TRIP4: variants seen among roughly 807,000 people sequenced by gnomAD.
The protein encoded by TRIP4 is thyroid hormone receptor interactor 4, also known as activating signal cointegrator 1.
A neutral mutation model predicts 81.8 loss-of-function variants in TRIP4; 54 were observed. The observed-to-expected ratio is 0.66, with a 90% CI of 0.53 to 0.83. TRIP4 has a LOEUF of 0.83. Ranked by LOEUF, TRIP4 falls within the 40% of genes least tolerant of loss-of-function variation. The pLI, the probability that TRIP4 is intolerant of heterozygous loss-of-function variation, is 0.00. For missense variants in TRIP4, 662 were observed against 683.6 expected (o/e 0.97, Z 0.35); for synonymous variants, 270 against 242.8 (o/e 1.11, Z -1.04).
intron 7 of TRIP4, among the ~76,000 whole-genome samples, chr15:64,411,373 G>A (rs1891757068): frequency 6.6e-6 from 1 of 152,196 alleles, no homozygotes; most frequent in Non-Finnish European, 1.5e-5. Context: ...TCTGGTGAGG[G>A]ATGCTAATAA....
chr15:64,412,710 G>T (rs1891795785), intron 7 of TRIP4, among the ~76,000 whole-genome samples: 1 of 152,110 alleles, frequency 6.6e-6, no homozygotes, highest in Admixed American at 6.6e-5. Context: ...TCATTATGTT[G>T]TGCCTCACAA....
At chr15:64,423,867 G>A (rs745689185) in intron 9 of TRIP4, among the ~76,000 whole-genome samples, 164 bp from the exon 10 acceptor site, 5 of 152,160 alleles carry the variant, frequency 3.3e-5, no homozygotes, top group Admixed American at 6.5e-5. Flanking sequence ...GAAAAGTATT[G>A]TGAGAGAAAA....
intron 9 of TRIP4, among the ~76,000 whole-genome samples, chr15:64,421,916 A>G (rs368475850): frequency 1.1e-4 from 16 of 151,982 alleles, no homozygotes; most frequent in African/African-American, 3.9e-4. Context: ...ATGGTGGTGC[A>G]TGCCTATAAT....
chr15:64,402,491 G>A (rs1262116937), intron 5 of TRIP4, among the ~76,000 whole-genome samples: 2 of 149,638 alleles, frequency 1.3e-5, no homozygotes, highest in Admixed American at 6.7e-5. Context: ...AAAGTGCTGG[G>A]ATTAAGGTGT....
At chr15:64,406,486 C>T in intron 6 of TRIP4, 27 bp downstream of exon 6, 3 of 1,606,866 alleles carry the variant, frequency 1.9e-6, no homozygotes, top group Non-Finnish European at 2.5e-6. Context: ...ATAACAAATG[C>T]TAAGAAATAA....
intron 11 of TRIP4, among the ~76,000 whole-genome samples, chr15:64,428,443 A>G (rs879567747): frequency 2.6e-5 from 4 of 152,334 alleles, no homozygotes; most frequent in Middle Eastern, 3.4e-3. Context: ...GTAGAAGTGC[A>G]GGAATCCTCC....
At chr15:64,452,211 G>T (rs893035872) in intron 12 of TRIP4, among the ~76,000 whole-genome samples, 1 of 151,768 alleles carries the variant, frequency 6.6e-6, no homozygotes, top group Admixed American at 6.6e-5. Flanking sequence ...GGAACTTCTG[G>T]GCTCAAGCGA....
chr15:64,397,561 T>C (rs1305612484), intron 3 of TRIP4, 45 bp from the exon 4 acceptor site: 3 of 1,583,314 alleles, frequency 1.9e-6, no homozygotes, highest in Non-Finnish European at 2.6e-6. Context: ...ACTTTTTACA[T>C]TGTCATTAAT....
At chr15:64,450,218 T>C (rs926074411) in intron 12 of TRIP4, among the ~76,000 whole-genome samples, 1 of 151,384 alleles carries the variant, frequency 6.6e-6, no homozygotes, top group African/African-American at 2.4e-5. Flanking sequence ...TGAAACCCCG[T>C]CTCTACTAAA....
rs1891480736 is a variant in TRIP4, at chr15:64,400,818, T to C, written c.694T>C (p.Ser232Pro). ...KSQKLLKKLM[S>P]GVENSGKVDI... ...CCAGAAACTGCTAAAGAAACTCATG[T>C]CAGGTAGACAGCAGTCTTGTAATTG... The change falls in exon 5 of 13, where the codon TCA becomes CCA. Residue 232 changes from serine to proline, a missense_variant. Ser to Pro is a moderately conservative substitution (Grantham distance 74). Coordinates refer to ENST00000261884, the MANE Select transcript of TRIP4 (RefSeq NM_016213.5). 6.2e-7 allele frequency: 1 copy of C among 1,613,484 alleles called. No individual in the cohort carries two copies. The highest frequency in any genetic ancestry group is 1.3e-5 in the African/African-American group (1 of 74,940).
intron 5 of TRIP4, 29 bp downstream of exon 5, chr15:64,400,850 TG>T: frequency 6.5e-7 from 1 of 1,549,440 alleles, no homozygotes; most frequent in Non-Finnish European, 8.9e-7. Context: ...ATTGGATCAC[TG>T]GGATGATGGG....
intron 12 of TRIP4, among the ~76,000 whole-genome samples, chr15:64,447,090 C>T (rs369392824): frequency 1.3e-5 from 2 of 152,042 alleles, no homozygotes; most frequent in East Asian, 1.9e-4. Context: ...GGCAACAGAG[C>T]GAGACTCCGT....
intron 3 of TRIP4, among the ~76,000 whole-genome samples, chr15:64,396,964 T>C (rs1478716627): frequency 6.6e-6 from 1 of 152,250 alleles, no homozygotes; most frequent in African/African-American, 2.4e-5. Context: ...TATTGCATTT[T>C]GTTTTCGTTT....
intron 7 of TRIP4, among the ~76,000 whole-genome samples, chr15:64,412,729 G>T (rs1438183419): frequency 6.6e-6 from 1 of 152,026 alleles, no homozygotes; most frequent in Non-Finnish European, 1.5e-5. Flanking sequence ...AATTATTATT[G>T]TTATCCACAA....
chr15:64,447,571 C>T (rs1022372262), intron 12 of TRIP4, among the ~76,000 whole-genome samples: 2 of 152,200 alleles, frequency 1.3e-5, no homozygotes, highest in African/African-American at 4.8e-5. Context: ...CAGGCAACAT[C>T]TTGATTGATA....
At chr15:64,418,428 A>G (rs1268858224) in intron 8 of TRIP4, 113 bp from the exon 9 acceptor site, 4 of 1,198,850 alleles carry the variant, frequency 3.3e-6, no homozygotes, top group Non-Finnish European at 4.6e-6. Flanking sequence ...ATATTTTTCT[A>G]AGAAAAATGT....
chr15:64,404,050 GC>G (rs2140288103), intron 5 of TRIP4, among the ~76,000 whole-genome samples: 1 of 152,238 alleles, frequency 6.6e-6, no homozygotes, highest in South Asian at 2.1e-4. Context: ...AATTAGCCGT[GC>G]ATGGTGGCAC....
chr15:64,425,044 T>C (rs1006294084), intron 10 of TRIP4, among the ~76,000 whole-genome samples: 13 of 152,192 alleles, frequency 8.5e-5, no homozygotes, highest in Non-Finnish European at 1.9e-4. Flanking sequence ...CCAAAAGTGC[T>C]GGGGTTATAG....
chr15:64,389,710 T>G (rs79914206), intron 1 of TRIP4, among the ~76,000 whole-genome samples: 1 of 129,790 alleles, frequency 7.7e-6, no homozygotes, highest in Non-Finnish European at 1.8e-5. Flanking sequence ...AATTTTCACT[T>G]TTTTTTTTTT....
Sources: gnomAD v4.1 joint callset for allele counts (sites outside exome capture counted in the v4.1 genomes callset) on GRCh38, gnomAD v4.1.1 for gene constraint, MANE v1.5 for transcripts, NCBI Gene and HGNC (gene_info 2026-07-23, HGNC 2026-07-21) for gene names.